The following CEPT1 variants were observed in gnomAD, a reference collection of about 807,000 sequenced individuals.
The protein encoded by CEPT1 is choline/ethanolaminephosphotransferase 1.
In CEPT1, 7 loss-of-function variants were observed where a neutral mutation model predicts 42.6. The observed-to-expected ratio is 0.16, with a 90% confidence interval of 0.09 to 0.31. The LOEUF (loss-of-function observed/expected upper bound fraction) is 0.31. CEPT1 is among the 10% of genes least tolerant of loss of function. The probability of loss-of-function intolerance (pLI) is 1.00; values close to 1 mark genes in which losing one functional copy is unlikely to be tolerated. For synonymous variants in CEPT1, 171 were observed against 171.9 expected (o/e 0.99, Z 0.04); for missense variants, 306 against 502.1 (o/e 0.61, Z 3.73).
At chr1:111,166,138 C>T (rs17027000) in intron 4 of CEPT1, among the ~76,000 whole-genome samples, 3,553 of 152,100 alleles carry the variant, frequency 0.023, 142 homozygotes, top group African/African-American at 0.08. Context: ...GCCTCAGCTC[C>T]GTTCGTTTAA....
intron 4 of CEPT1, among the ~76,000 whole-genome samples, chr1:111,161,543 CT>C (rs1655876042): frequency 3.3e-5 from 5 of 152,280 alleles, no homozygotes; most frequent in African/African-American, 1.2e-4. Flanking sequence ...GCAGTAGCCC[CT>C]CATCTTTGTC....
At chr1:111,164,398 A>G (rs1423307493) in intron 4 of CEPT1, among the ~76,000 whole-genome samples, 5 of 152,216 alleles carry the variant, frequency 3.3e-5, no homozygotes, top group Admixed American at 3.3e-4. Flanking sequence ...ACTAGCCTGG[A>G]TAGGAAAGAC....
chr1:111,151,456 CATCA>C (rs1323555489), intron 2 of CEPT1, among the ~76,000 whole-genome samples: 1 of 152,172 alleles, frequency 6.6e-6, no homozygotes, highest in African/African-American at 2.4e-5. Context: ...AGGCATGAGA[CATCA>C]ATCAAGTACA....
intron 5 of CEPT1, 146 bp downstream of exon 5, chr1:111,175,109 T>C (rs1450127629): frequency 3.2e-6 from 2 of 623,594 alleles, no homozygotes; most frequent in Non-Finnish European, 5.8e-6. Context: ...CTTTAGAGGA[T>C]GGTGAATTTT....
chr1:111,161,808 T>C (rs1362709570), intron 4 of CEPT1, among the ~76,000 whole-genome samples: 1 of 152,238 alleles, frequency 6.6e-6, no homozygotes, highest in Non-Finnish European at 1.5e-5. Flanking sequence ...GAAAGCTTAT[T>C]TATCTGTCAG....
chr1:111,164,705 C>T (rs1656045053), intron 4 of CEPT1, among the ~76,000 whole-genome samples: 1 of 151,946 alleles, frequency 6.6e-6, no homozygotes, highest in African/African-American at 2.4e-5. Flanking sequence ...CTCACTGCAA[C>T]CTCCGCCTCC....
At chr1:111,155,757 C>CA (rs1180487986) in intron 2 of CEPT1, among the ~76,000 whole-genome samples, 10 of 152,248 alleles carry the variant, frequency 6.6e-5, no homozygotes, top group Admixed American at 3.3e-4. Flanking sequence ...ATGCTGGTCT[C>CA]AAACTCCCGA....
intron 7 of CEPT1, 105 bp from the exon 8 acceptor site, chr1:111,183,357 C>A: frequency 7.6e-7 from 1 of 1,308,060 alleles, no homozygotes; most frequent in Non-Finnish European, 1.1e-6. Flanking sequence ...AACAGCTATT[C>A]CTAAATAATT....
intron 2 of CEPT1, among the ~76,000 whole-genome samples, chr1:111,148,945 A>T (rs1249156157): frequency 6.6e-6 from 1 of 152,228 alleles, no homozygotes; most frequent in Non-Finnish European, 1.5e-5. Flanking sequence ...GAGCTAAATG[A>T]GATGGTAATG....
intron 3 of CEPT1, 68 bp downstream of exon 3, chr1:111,159,595 G>A: frequency 8.2e-7 from 1 of 1,222,828 alleles, no homozygotes; most frequent in Non-Finnish European, 1.1e-6. Flanking sequence ...AGCAGTGTTA[G>A]AATACATGTT....
At position 111,147,921 on chromosome 1, in the gene CEPT1, A is replaced by G. The variant is rs759438164; in HGVS notation, c.207A>G (p.Gln69=). Residue 69 remains glutamine (Q), a synonymous_variant, in exon 2 of 9, where the codon CAA becomes CAG. Coordinates refer to ENST00000357172, the MANE Select transcript of CEPT1 (RefSeq NM_006090.5). ...AGRSLLEPLM[Q]GYWEWLVRRV... The stretch of plus-strand genomic sequence containing the variant: ...GGTCCCTGCTTGAGCCCTTAATGCA[A>G]GGGTATTGGGAATGGCTCGTTAGAA... 1 of 1,614,200 alleles carries G rather than the reference A, an allele frequency of 6.2e-7. No homozygotes were observed. The highest frequency in any genetic ancestry group is 1.6e-4 in the Middle Eastern group (1 of 6,062).
chr1:111,148,048 G>A lies in CEPT1; in HGVS notation c.334G>A (p.Glu112Lys). ...LLVFYCPTAT[E>K]QAPLWAYIAC... ...AGTCTTCTACTGCCCTACAGCTACA[G>A]AGCAGGTAAGAGTTTCTTAACAGAT... Residue 112 changes from glutamate (E) to lysine (K), a missense_variant, in exon 2 of 9, where the codon GAG becomes AAG. This residue lies in a region of CEPT1 where 253 missense variants were observed against 447.3 expected (regional missense o/e 0.57). Transcript: ENST00000357172. 6.2e-7 allele frequency: 1 copy of A among 1,611,508 alleles called. No individual in the cohort carries two copies. Among genetic ancestry groups the A allele is most frequent in the Non-Finnish European group, 8.5e-7 (1 of 1,177,718 alleles).
At chr1:111,157,890 A>G (rs573527553) in intron 2 of CEPT1, among the ~76,000 whole-genome samples, 1 of 152,370 alleles carries the variant, frequency 6.6e-6, no homozygotes, top group Admixed American at 6.5e-5. Context: ...TAATATTCAC[A>G]GTGTAACTTG....
chr1:111,163,741 T>C (rs1169477955), intron 4 of CEPT1, among the ~76,000 whole-genome samples: 1 of 152,170 alleles, frequency 6.6e-6, no homozygotes, highest in Non-Finnish European at 1.5e-5. Flanking sequence ...CATATAGATA[T>C]CCCTAAAGAC....
In CEPT1 at chr1:111,147,568, G is replaced by A. The variant is rs565449687; in HGVS notation, c.-73-74G>A. The A allele has an allele frequency of 7.7e-4, 415 of 535,754 alleles. 1 individual carries two copies. The highest frequency in any genetic ancestry group is 1.2e-3 in the Non-Finnish European group (368 of 318,076). The allele number at this position is 535,754 out of a possible 1,614,324, so 33.2% of individuals were successfully genotyped here. A position where few individuals can be genotyped will look rare whatever the true frequency, so the allele number is the denominator to read the frequency against. On this transcript the variant is annotated intron_variant, in intron 1 of 8. Coordinates refer to ENST00000357172, the MANE Select transcript of CEPT1 (RefSeq NM_006090.5). ...AATTTGATTTTTTGTTTCCTAATTT[G>A]TTAATATTGGCATAAGATGTAAATA...
intron 4 of CEPT1, 122 bp downstream of exon 4, chr1:111,161,418 T>C (rs960516830): frequency 2.2e-6 from 2 of 892,538 alleles, no homozygotes; most frequent in Admixed American, 3.0e-5. Context: ...TTAAAAAATT[T>C]ATGCTTCATT....
chr1:111,149,317 C>G lies in CEPT1; in HGVS notation c.339+1264C>G, dbSNP rs577561130. 2.9e-3 allele frequency among the ~76,000 whole-genome samples: 435 copies of G among 148,558 alleles called. 2 individuals are homozygous for G. The highest frequency in any genetic ancestry group is 4.3e-3 in the Non-Finnish European group (292 of 67,448). On this transcript the variant is annotated intron_variant, in intron 2 of 8. Transcript: ENST00000357172. Reference sequence around the variant, plus strand: ...TGCCTTTGTCACCCAGGCTGGAGTGCAATGGCACTGTCTTGGCTCACTGCA... The same window carrying G: ...TGCCTTTGTCACCCAGGCTGGAGTGGAATGGCACTGTCTTGGCTCACTGCA...
At chr1:111,174,606 T>TAA (rs2101376576) in intron 4 of CEPT1, among the ~76,000 whole-genome samples, 1 of 151,950 alleles carries the variant, frequency 6.6e-6, no homozygotes, top group Admixed American at 6.6e-5. Flanking sequence ...GGTTAACCTA[T>TAA]GGTTTCAGCC....
chr1:111,145,134 G>T (rs949401327), intron 1 of CEPT1, among the ~76,000 whole-genome samples: 3 of 151,982 alleles, frequency 2.0e-5, no homozygotes, highest in African/African-American at 7.3e-5. Flanking sequence ...TCCTGCCTCA[G>T]CCTCCTCAGT....
Sources: gnomAD v4.1 joint callset for allele counts (sites outside exome capture counted in the v4.1 genomes callset) on GRCh38, gnomAD v4.1.1 for gene constraint, gnomAD v4.1.1 regional missense constraint, MANE v1.5 for transcripts, NCBI Gene and HGNC (gene_info 2026-07-23, HGNC 2026-07-21) for gene names.